Variants in ATXN10 observed in about 807,000 individuals in gnomAD.
ATXN10 encodes ataxin 10, also known as ataxin-10.
ATXN10 carries 28 observed loss-of-function variants against 52.9 expected under a neutral mutation model. That is an observed-to-expected ratio of 0.53 (90% CI 0.39 to 0.73). ATXN10 has a LOEUF of 0.73. ATXN10 is among the 30% of genes least tolerant of loss of function. ATXN10 has a pLI of 0.00. For missense variants in ATXN10, 565 were observed against 577.0 expected, an observed-to-expected ratio of 0.98 and a Z score of 0.21; for synonymous variants, 226 against 221.5, an observed-to-expected ratio of 1.02 and a Z score of -0.18.
chr22:45,693,960 T>C (rs1923485657), intron 3 of ATXN10, among the ~76,000 whole-genome samples: 1 of 152,186 alleles, frequency 6.6e-6, no homozygotes, highest in South Asian at 2.1e-4. Context: ...GGTAAGACTT[T>C]TAATATTTAT....
At chr22:45,797,739 G>T (rs1927793225) in intron 9 of ATXN10, among the ~76,000 whole-genome samples, 1 of 152,166 alleles carries the variant, frequency 6.6e-6, no homozygotes, top group Non-Finnish European at 1.5e-5. Flanking sequence ...ATAGAGTGGA[G>T]AAAGTCCATG....
intron 9 of ATXN10, among the ~76,000 whole-genome samples, chr22:45,779,179 A>C (rs1024799320): frequency 5.9e-5 from 9 of 152,166 alleles, no homozygotes; most frequent in African/African-American, 2.2e-4. Flanking sequence ...TAATGAAGCA[A>C]CACCTCTATT....
In ATXN10 at chr22:45,842,097, C is replaced by T. The variant is rs1162732927; in HGVS notation, c.1238-894C>T. 1.3e-5 allele frequency among the ~76,000 whole-genome samples: 2 copies of T among 152,130 alleles called. No individual in the cohort carries two copies. The highest frequency in any genetic ancestry group is 6.5e-5 in the Admixed American group (1 of 15,272). On this transcript the variant is annotated intron_variant, in intron 10 of 11. Coordinates refer to ENST00000252934, the MANE Select transcript of ATXN10 (RefSeq NM_013236.4). This position sits in a 1 kb window ranked among gnomAD's most constrained non-coding sequence, Gnocchi z 4.8. ...TTGTTGTTCTCCCTGGATCAGGGTG[C>T]CAGGCCCAGTAGGGACACAGCCTCT...
chr22:45,679,174 G>C (rs1488051961), intron 1 of ATXN10: 1 of 152,170 alleles, frequency 6.6e-6, no homozygotes, highest in Non-Finnish European at 1.5e-5. Flanking sequence ...AGTCTCACTA[G>C]AGTGAGAGCA....
At chr22:45,802,112 C>G (rs780429356) in intron 9 of ATXN10, among the ~76,000 whole-genome samples, 1 of 152,164 alleles carries the variant, frequency 6.6e-6, no homozygotes, top group Non-Finnish European at 1.5e-5. Context: ...AAGAACAGTT[C>G]CCAAATCTAT....
Position 45,780,065 on chromosome 22 carries a change from CA to C in ATXN10, c.1174-26889del, listed in dbSNP as rs1276274555. On this transcript the variant is annotated intron_variant, in intron 9 of 11. Transcript: ENST00000252934. The surrounding 1 kb of genome is among the most constrained non-coding windows in gnomAD (Gnocchi z 4.0). ...TTCCAAATAAAAACGCTTATACAAA[CA>C]AAAAGGCAGACTGCATCATCTTTTT... 6.7e-6 allele frequency among the ~76,000 whole-genome samples: 1 copy of C among 148,490 alleles called. No homozygotes were observed. The highest frequency in any genetic ancestry group is 1.5e-5 in the Non-Finnish European group (1 of 67,560).
In ATXN10 at chr22:45,795,874, C is replaced by T. The variant is rs1049925912; in HGVS notation, c.1174-11085C>T. Among the ~76,000 whole-genome samples, 1 of 152,154 alleles carries T rather than the reference C, an allele frequency of 6.6e-6. No homozygotes were observed. The highest frequency in any genetic ancestry group is 1.5e-5 in the Non-Finnish European group (1 of 68,032). ...TTCATAAGCTGAGGATGTATGTCAC[C>T]TCAGGATCCCGTGATGATCACGTTA... On this transcript the variant is annotated intron_variant, in intron 9 of 11. Coordinates refer to ENST00000252934, the MANE Select transcript of ATXN10 (RefSeq NM_013236.4). The surrounding 1 kb of genome is among the most constrained non-coding windows in gnomAD (Gnocchi z 4.6).
intron 9 of ATXN10, among the ~76,000 whole-genome samples, chr22:45,777,856 A>G (rs1418100986): frequency 1.3e-5 from 2 of 152,244 alleles, no homozygotes; most frequent in African/African-American, 4.8e-5. Flanking sequence ...GCAAATTCCT[A>G]CTGCATGAAT....
intron 9 of ATXN10, among the ~76,000 whole-genome samples, chr22:45,767,203 T>G (rs1276846148): frequency 6.6e-6 from 1 of 152,170 alleles, no homozygotes; most frequent in Non-Finnish European, 1.5e-5. Context: ...CAGGTGTCCA[T>G]CAGGAGGGGA....
chr22:45,792,069 A>G (rs928252432), intron 9 of ATXN10, among the ~76,000 whole-genome samples: 1 of 152,144 alleles, frequency 6.6e-6, no homozygotes, highest in Non-Finnish European at 1.5e-5. Flanking sequence ...TTTTTTCTTC[A>G]AGGCAATTAC....
rs1009782450 is a variant in ATXN10 at position 45,729,363 on chromosome 22, A to G, written c.729-62A>G. On this transcript the variant is annotated intron_variant, in intron 6 of 11. Transcript: ENST00000252934. ...TTCCCTTAAAGTTGCTTTCCTAGGT[A>G]TTTTTAGCATTGTATAATTTAAGTA... 12 of 1,557,858 alleles carry G rather than the reference A, an allele frequency of 7.7e-6. No individual in the cohort carries two copies. The African/African-American group carries it at 1.6e-4, about 21-fold the overall frequency.
intron 9 of ATXN10, among the ~76,000 whole-genome samples, chr22:45,751,740 G>GAAAAAA (rs200364242): frequency 8.8e-5 from 4 of 45,468 alleles, no homozygotes; most frequent in South Asian, 1.3e-3. Context: ...CCTTTTTCTG[G>GAAAAAA]AAAAAAAAAA....
chr22:45,701,248 T>C lies in ATXN10; in HGVS notation c.488+870T>C, dbSNP rs534386288. 2.6e-5 allele frequency among the ~76,000 whole-genome samples: 4 copies of C among 152,356 alleles called. No individual in the cohort carries two copies. ...CAATAGCCTGCAGAGTAAGTGTTACTGTCTCCCCATTTGGACAGATGAGAG... is the reference window on the plus strand; with the variant it reads ...CAATAGCCTGCAGAGTAAGTGTTACCGTCTCCCCATTTGGACAGATGAGAG... On this transcript the variant is annotated intron_variant, in intron 4 of 11. Transcript: ENST00000252934. This position sits in a 1 kb window ranked among gnomAD's most constrained non-coding sequence, Gnocchi z 4.2.
chr22:45,818,818 C>G lies in ATXN10; in HGVS notation c.1237+11796C>G, dbSNP rs539373433. Among the ~76,000 whole-genome samples the G allele has an allele frequency of 7.2e-5, 11 of 152,208 alleles. No homozygotes were observed. Among genetic ancestry groups the G allele is most frequent in the African/African-American group, 2.6e-4 (11 of 41,546 alleles). The stretch of plus-strand genomic sequence containing the variant: ...TGTAACATTTATTTGAAAACAGAAA[C>G]AAAACTGTATGTGGACACTGATTGC... On this transcript the variant is annotated intron_variant, in intron 10 of 11. Transcript: ENST00000252934. This position sits in a 1 kb window ranked among gnomAD's most constrained non-coding sequence, Gnocchi z 4.6.
intron 1 of ATXN10, chr22:45,675,050 A>T (rs1228221953): frequency 6.6e-6 from 1 of 152,134 alleles, no homozygotes; most frequent in Non-Finnish European, 1.5e-5. Context: ...TATTTTGAGG[A>T]TCTGTAATAT....
chr22:45,843,199 T>C lies in ATXN10; in HGVS notation c.1425+21T>C. 1 of 1,612,490 alleles carries C rather than the reference T, an allele frequency of 6.2e-7. No homozygotes were observed. The highest frequency in any genetic ancestry group is 8.5e-7 in the Non-Finnish European group (1 of 1,178,642). On this transcript the variant is annotated intron_variant, in intron 11 of 11. Transcript: ENST00000252934. This position sits in a 1 kb window ranked among gnomAD's most constrained non-coding sequence, Gnocchi z 4.5. ...AGCCAGTAAGTACCCTCGAGGGAACTGTCCTTCCCTTTGGTTTGTAGAAAG... is the reference window on the plus strand; with the variant it reads ...AGCCAGTAAGTACCCTCGAGGGAACCGTCCTTCCCTTTGGTTTGTAGAAAG...
intron 1 of ATXN10, among the ~76,000 whole-genome samples, chr22:45,680,705 C>T (rs1393776776): frequency 6.6e-6 from 1 of 151,684 alleles, no homozygotes; most frequent in African/African-American, 2.4e-5. Flanking sequence ...CTCAAGTGAT[C>T]CTCCTGCCTC....
intron 9 of ATXN10, among the ~76,000 whole-genome samples, chr22:45,751,743 AAAAAAAAAAAAT>A (rs377152762): frequency 0.4 from 27,035 of 66,814 alleles, 3,226 homozygotes; most frequent in East Asian, 0.6. Context: ...TTTTCTGGAA[AAAAAAAAAAAAT>A]AAAAAAAAAA....
intron 1 of ATXN10, among the ~76,000 whole-genome samples, chr22:45,685,425 T>C (rs1349044835): frequency 6.6e-6 from 1 of 152,242 alleles, no homozygotes; most frequent in Non-Finnish European, 1.5e-5. Flanking sequence ...TTCCGCCTTC[T>C]GTGAATGAAG....
Sources: allele counts gnomAD v4.1 joint callset (sites outside exome capture counted in the v4.1 genomes callset), GRCh38; gene constraint gnomAD v4.1.1; non-coding constraint Gnocchi (gnomAD v3.1); transcripts MANE v1.5; gene names NCBI Gene and HGNC (gene_info 2026-07-23, HGNC 2026-07-21).